Variants in PIH1D1 observed in about 807,000 individuals in gnomAD.
The protein encoded by PIH1D1 is PIH1 domain containing 1.
A neutral mutation model predicts 38.5 loss-of-function variants in PIH1D1; 28 were observed. That is an observed-to-expected ratio of 0.73 (90% CI 0.54 to 1.00). The LOEUF (loss-of-function observed/expected upper bound fraction) is 1.00. Among genes scored for constraint, PIH1D1 ranks in the 50% least tolerant of loss-of-function variants. The pLI is 0.00. For missense variants in PIH1D1, 343 were observed against 369.9 expected (o/e 0.93, Z 0.60); for synonymous variants, 155 against 153.5 (o/e 1.01, Z -0.07).
rs576637576 is a variant in PIH1D1, at chr19:49,447,354, C to T, written c.595G>A (p.Gly199Arg). ...AAGGCCCACCCTGACTCAGCTCTCC[C>T]GGGGGCGGGCGTGTACAGGTCCCCC... The part of the protein sequence containing the change: ...ELGDLYTPAP[G>R]RAESGPEKPH... Residue 199 changes from glycine to arginine, a missense_variant, in exon 6 of 9, where the codon GGG (glycine) becomes AGG (arginine). Transcript: ENST00000262265. 4 of 1,613,860 alleles carry T rather than the reference C, an allele frequency of 2.5e-6. No homozygotes were observed. The highest frequency in any genetic ancestry group is 3.4e-6 in the Non-Finnish European group (4 of 1,179,964).
chr19:49,448,605 T>C (rs574366620), intron 3 of PIH1D1: 1 of 175,902 alleles, frequency 5.7e-6, no homozygotes, highest in South Asian at 1.2e-4. Flanking sequence ...GACCCCTTCA[T>C]GTGGGTGACG....
At position 49,446,668 on chromosome 19, in the gene PIH1D1, C is replaced by G; in HGVS notation, c.714G>C (p.Glu238Asp). 2.5e-6 allele frequency: 4 copies of G among 1,583,590 alleles called. No homozygotes were observed. The South Asian group carries it at 3.5e-5, about 14-fold the overall frequency. The change falls in exon 8 of 9, where the codon GAG (glutamate) becomes GAC (aspartate). Residue 238 changes from glutamate (E) to aspartate (D), a missense_variant. Transcript: ENST00000262265. ...KLDGALGLSL[E>D]IGENRLVMGG... ...CCATCACCAGGCGGTTCTCCCCGAT[C>G]TCCAGCGACAGCCCCAGGGCTCCAT...
Position 49,451,540 on chromosome 19 carries a change from C to T in PIH1D1, c.35G>A (p.Ser12Asn). 1 of 1,613,860 alleles carries T rather than the reference C, an allele frequency of 6.2e-7. No homozygotes were observed. The highest frequency in any genetic ancestry group is 8.5e-7 in the Non-Finnish European group (1 of 1,179,978). ...ATCAGCACCGATCGCCTCCGCCTCGCTTAGCCCCATTCCCAGCAGCTTCGG... is the reference window on the plus strand; with the variant it reads ...ATCAGCACCGATCGCCTCCGCCTCGTTTAGCCCCATTCCCAGCAGCTTCGG... ...ANPKLLGMGL[S>N]EAEAIGADSA... The change falls in exon 1 of 9, where the codon AGC becomes AAC. Residue 12 changes from serine to asparagine, a missense_variant. Coordinates refer to ENST00000262265, the MANE Select transcript of PIH1D1 (RefSeq NM_017916.3).
chr19:49,446,855 A>C (rs2079026508), intron 7 of PIH1D1, 161 bp from the exon 8 acceptor site: 1 of 1,097,410 alleles, frequency 9.1e-7, no homozygotes, highest in Non-Finnish European at 1.4e-6. Flanking sequence ...GAGCACTTAC[A>C]ATCCCTTGGG....
chr19:49,449,006 A>G (rs2079041586), intron 3 of PIH1D1: 1 of 319,826 alleles, frequency 3.1e-6, no homozygotes, highest in African/African-American at 2.2e-5. Context: ...AGCCAGGCCA[A>G]CGTGGCGAAA....
chr19:49,449,145 GAAA>G, intron 3 of PIH1D1: 1 of 324,620 alleles, frequency 3.1e-6, no homozygotes, highest in Non-Finnish European at 5.9e-6. Context: ...TCCATCACAA[GAAA>G]AAAAAAAAGA....
chr19:49,450,076 C>T (rs1190828926), intron 2 of PIH1D1, among the ~76,000 whole-genome samples: 2 of 151,010 alleles, frequency 1.3e-5, no homozygotes, highest in African/African-American at 2.4e-5. Context: ...CTCCCGGCCC[C>T]CTCTCTTCTT....
chr19:49,447,861 G>C lies in PIH1D1; in HGVS notation c.447C>G (p.Gly149=). 6.2e-7 allele frequency: 1 copy of C among 1,614,166 alleles called. No individual in the cohort carries two copies. The highest frequency in any genetic ancestry group is 8.5e-7 in the Non-Finnish European group (1 of 1,180,026). The change falls in exon 5 of 9, where the codon GGC becomes GGG. Residue 149 remains glycine, a synonymous_variant. Transcript: ENST00000262265. ...GCTGCAAGTTGTATTTGTCCTCAAG[G>C]CCCTCCCTGGCGATGGTGATCACGA... The part of the protein sequence containing the change: ...RELVITIARE[G]LEDKYNLQLN...
At chr19:49,449,231 C>G in intron 3 of PIH1D1, 1 of 662,076 alleles carries the variant, frequency 1.5e-6, no homozygotes, top group Non-Finnish European at 2.8e-6. Context: ...GAAGAGCACT[C>G]TGCCCAGGCC....
In PIH1D1 at chr19:49,446,304, C is replaced by T; in HGVS notation, c.*78G>A. ...TCCCCAGTCAGAGACAGAACAAAGG[C>T]AAAAATCTTTTATTTCAACTTTTAG... On this transcript the variant is annotated 3_prime_UTR_variant, in exon 9 of 9. Transcript: ENST00000262265. 1 of 780,390 alleles carries T rather than the reference C, an allele frequency of 1.3e-6. No individual in the cohort carries two copies. Among genetic ancestry groups the T allele is most frequent in the Non-Finnish European group, 2.4e-6 (1 of 418,142 alleles). 48.3% of individuals were successfully genotyped at this position (780,390 alleles called of 1,614,324 possible). A position where few individuals can be genotyped will look rare whatever the true frequency, so the allele number is the denominator to read the frequency against.
chr19:49,446,491 G>T, intron 8 of PIH1D1, 60 bp downstream of exon 8: 1 of 1,568,966 alleles, frequency 6.4e-7, no homozygotes, highest in Non-Finnish European at 8.8e-7. Context: ...CCCCCTCCCT[G>T]GGAGACAGAG....
intron 6 of PIH1D1, 118 bp downstream of exon 6, chr19:49,447,220 C>T (rs2079028977): frequency 6.6e-7 from 1 of 1,505,372 alleles, no homozygotes; most frequent in Non-Finnish European, 9.1e-7. Context: ...CAGGAGTTCT[C>T]TCTCCTCCCT....
chr19:49,451,504 A>T lies in PIH1D1; in HGVS notation c.71T>A (p.Phe24Tyr), dbSNP rs753215901. ...AEAIGADSAR[F>Y]EELLLQASKE... is the part of the protein sequence containing the mutation. The stretch of plus-strand genomic sequence containing the variant: ...CTGCACCTGCAGCAGCAGCTCCTCA[A>T]ATCGCGCCGAATCAGCACCGATCGC... Residue 24 changes from phenylalanine to tyrosine, a missense_variant, in exon 1 of 9, where the codon TTT becomes TAT. Physicochemically the swap from Phe to Tyr is conservative, Grantham distance 22 (BLOSUM62 3). Coordinates refer to ENST00000262265, the MANE Select transcript of PIH1D1 (RefSeq NM_017916.3). 1 of 1,613,832 alleles carries T rather than the reference A, an allele frequency of 6.2e-7. No homozygotes were observed. Among genetic ancestry groups the T allele is most frequent in the South Asian group, 1.1e-5 (1 of 91,064 alleles).
chr19:49,449,311 G>T, intron 3 of PIH1D1, 164 bp downstream of exon 3: 1 of 753,322 alleles, frequency 1.3e-6, no homozygotes, highest in Non-Finnish European at 2.3e-6. Flanking sequence ...CTGCCCGGGT[G>T]TGGGATGTCC....
rs749123823 is a variant in PIH1D1, at chr19:49,448,069, G to C, written c.338-7C>G. 3 of 1,613,954 alleles carry C rather than the reference G, an allele frequency of 1.9e-6. No individual in the cohort carries two copies. In the African/African-American group the frequency reaches 4.0e-5, roughly 22 times the overall value. Reference sequence around the variant, plus strand: ...GCGGTACATCCCTGGCCTTCTGCGGGGAGAAAAAGGGGGTGAGGACCCCCC... The same window carrying C: ...GCGGTACATCCCTGGCCTTCTGCGGCGAGAAAAAGGGGGTGAGGACCCCCC... On this transcript the variant is annotated splice_region_variant and splice_polypyrimidine_tract_variant and intron_variant, in intron 3 of 8. Coordinates refer to ENST00000262265, the MANE Select transcript of PIH1D1 (RefSeq NM_017916.3).
rs112897949 is a variant in PIH1D1 at position 49,446,431 on chromosome 19, G to A, written c.832-8C>T. On this transcript the variant is annotated splice_polypyrimidine_tract_variant and splice_region_variant and intron_variant, in intron 8 of 8. Coordinates refer to ENST00000262265, the MANE Select transcript of PIH1D1 (RefSeq NM_017916.3). ...CATGGCCACCATTAATTGCTGAGGA[G>A]ACAGAGCAAAGAGAATGAGGATCCA... The A allele has an allele frequency of 1.7e-3, 1,829 of 1,072,468 alleles. 16 individuals carry two copies. In the African/African-American group the frequency reaches 0.024, roughly 14 times the overall value. 66.4% of individuals were successfully genotyped at this position (1,072,468 alleles called of 1,614,324 possible).
Position 49,449,566 on chromosome 19 carries a change from G to A in PIH1D1, c.246C>T (p.Thr82=), listed in dbSNP as rs778020414. The A allele has an allele frequency of 9.3e-6, 15 of 1,614,090 alleles. No homozygotes were observed. Among genetic ancestry groups the A allele is most frequent in the Admixed American group, 1.7e-5 (1 of 60,024 alleles). Residue 82 remains threonine, a synonymous_variant, in exon 3 of 9, where the codon ACC becomes ACT. Transcript: ENST00000262265. ...CTAGCATCTGAAGCAGCTCCTCCTC[G>A]GTCACGTCGGCGGGAGGAGGGATAG... ...SPSIPPPADV[T]EEELLQMLEE... is the part of the protein sequence containing the mutation.
At chr19:49,446,744 C>T in intron 7 of PIH1D1, 50 bp from the exon 8 acceptor site, 7 of 1,519,150 alleles carry the variant, frequency 4.6e-6, no homozygotes, top group Middle Eastern at 3.6e-4. Flanking sequence ...AGGATGATCA[C>T]CTGGACCAGG....
In PIH1D1 at chr19:49,447,342, A is replaced by C. The variant is rs764817793; in HGVS notation, c.607T>G (p.Ser203Ala). Residue 203 changes from serine to alanine, a missense_variant, in exon 6 of 9, where the codon TCA becomes GCA. Transcript: ENST00000262265. ...LYTPAPGRAE[S>A]GPEKPHLNLW... is the part of the protein sequence containing the mutation. The stretch of plus-strand genomic sequence containing the variant: ...GGGGATCTACCGAAGGCCCACCCTG[A>C]CTCAGCTCTCCCGGGGGCGGGCGTG... 6.2e-6 allele frequency: 10 copies of C among 1,613,542 alleles called. No individual in the cohort carries two copies. The highest frequency in any genetic ancestry group is 1.7e-4 in the Middle Eastern group (1 of 6,058).
Sources: gnomAD v4.1 joint callset for allele counts (sites outside exome capture counted in the v4.1 genomes callset) on GRCh38, gnomAD v4.1.1 for gene constraint, MANE v1.5 for transcripts, NCBI Gene and HGNC (gene_info 2026-07-23, HGNC 2026-07-21) for gene names.